Variants in TMEM178B observed in about 807,000 individuals in gnomAD.
TMEM178B encodes the protein transmembrane protein 178B.
In TMEM178B, 5 loss-of-function variants were observed where a neutral mutation model predicts 31.0. That is an observed-to-expected ratio of 0.16 (90% confidence interval 0.08 to 0.34). The LOEUF (loss-of-function observed/expected upper bound fraction) is 0.34, where lower values mean the gene tolerates loss of function less well. TMEM178B is among the 10% of genes least tolerant of loss of function. The pLI is 1.00. For synonymous variants in TMEM178B, 164 were observed against 164.0 expected, an observed-to-expected ratio of 1.00 and a Z score of 0.00; for missense variants, 275 against 400.3, an observed-to-expected ratio of 0.69 and a Z score of 2.67.
At position 141,179,654 on chromosome 7, in the gene TMEM178B, G is replaced by T. The variant is rs146985522; in HGVS notation, c.383-32937G>T. 3.8e-3 allele frequency among the ~76,000 whole-genome samples: 573 copies of T among 152,298 alleles called. 5 individuals carry two copies. Among genetic ancestry groups the T allele is most frequent in the African/African-American group, 0.013 (551 of 41,564 alleles). On this transcript the variant is annotated intron_variant, in intron 1 of 3. Transcript: ENST00000565468. ...CAAGAGAAAGGGCTGCAGGGAGTGG[G>T]ATTTAAGTGGTTAGGGACAGAGCAC...
intron 2 of TMEM178B, among the ~76,000 whole-genome samples, chr7:141,292,179 G>A (rs1480153525): frequency 2.6e-5 from 4 of 152,302 alleles, no homozygotes; most frequent in East Asian, 3.9e-4. Context: ...TTACTTAAAT[G>A]TTCTGTGAAG....
At chr7:141,423,722 A>G (rs939950701) in intron 2 of TMEM178B, among the ~76,000 whole-genome samples, 6 of 151,672 alleles carry the variant, frequency 4.0e-5, no homozygotes, top group African/African-American at 1.5e-4. Flanking sequence ...TGCTGTTCAA[A>G]CGAATTGCCA....
rs147843317 is a variant in TMEM178B at position 141,218,470 on chromosome 7, C to T, written c.496+5766C>T. On this transcript the variant is annotated intron_variant, in intron 2 of 3. Transcript: ENST00000565468. ...TTACTGCAGACATGTGGATGACACA[C>T]TTGGCTCCCTGTCCCCACAGCTCTT... is the stretch of plus-strand genomic sequence containing the variant. 2.4e-4 allele frequency among the ~76,000 whole-genome samples: 36 copies of T among 152,302 alleles called. 1 individual carries two copies. The East Asian group carries it at 7.0e-3, about 29-fold the overall frequency.
At position 141,183,851 on chromosome 7, in the gene TMEM178B, G is replaced by T. The variant is rs536918383; in HGVS notation, c.383-28740G>T. Among the ~76,000 whole-genome samples the T allele has an allele frequency of 4.6e-5, 7 of 152,322 alleles. No homozygotes were observed. The East Asian group carries it at 1.3e-3, about 29-fold the overall frequency. On this transcript the variant is annotated intron_variant, in intron 1 of 3. Transcript: ENST00000565468. ...AGCTGAGGAATGTGGGTTTATCCAC[G>T]TGCTGGTTCATGGTGGAATTAGCCC...
chr7:141,452,552 C>T (rs1360161053), intron 3 of TMEM178B, among the ~76,000 whole-genome samples: 4 of 152,190 alleles, frequency 2.6e-5, no homozygotes, highest in Admixed American at 2.6e-4. Flanking sequence ...TGTTTCCATT[C>T]CCTGAGTGCC....
chr7:141,074,443 G>A lies in TMEM178B; in HGVS notation c.133G>A (p.Ala45Thr), dbSNP rs139501428. ...DARKHRDRCK[A>T]FNTRRVDPGF... is the part of the protein sequence containing the mutation. The stretch of plus-strand genomic sequence containing the variant: ...CAGGAAGCACAGGGACAGGTGCAAG[G>A]CCTTCAACACCCGCCGGGTCGACCC... The change falls in exon 1 of 4, where the codon GCC (alanine) becomes ACC (threonine). Residue 45 changes from alanine to threonine, a missense_variant. Transcript: ENST00000565468. The surrounding 1 kb of genome is among the most constrained non-coding windows in gnomAD (Gnocchi z 5.1). The A allele has an allele frequency of 1.8e-3, 2,695 of 1,536,128 alleles. 7 individuals are homozygous for A. Among genetic ancestry groups the A allele is most frequent in the Middle Eastern group, 7.3e-3 (44 of 5,990 alleles).
At chr7:141,145,848 G>A (rs900778986) in intron 1 of TMEM178B, among the ~76,000 whole-genome samples, 1 of 152,194 alleles carries the variant, frequency 6.6e-6, no homozygotes, top group Non-Finnish European at 1.5e-5. Context: ...TAGGGCTCCT[G>A]CCCAGTTACT....
intron 2 of TMEM178B, among the ~76,000 whole-genome samples, chr7:141,337,068 C>T (rs1404716935): frequency 9.8e-5 from 7 of 71,784 alleles, no homozygotes; most frequent in Non-Finnish European, 1.5e-4. Flanking sequence ...ACCACCATCA[C>T]TACCACCACC....
chr7:141,078,664 G>A (rs1425728900), intron 1 of TMEM178B, among the ~76,000 whole-genome samples: 1 of 152,140 alleles, frequency 6.6e-6, no homozygotes, highest in Non-Finnish European at 1.5e-5. Flanking sequence ...GGATTGTGTC[G>A]GCAGTAGCGG....
chr7:141,167,448 C>T (rs1432716728), intron 1 of TMEM178B, among the ~76,000 whole-genome samples: 1 of 152,252 alleles, frequency 6.6e-6, no homozygotes, highest in Non-Finnish European at 1.5e-5. Flanking sequence ...GTGTTGCCCT[C>T]CTGCCAGTTC....
rs111636467 is a variant in TMEM178B, at chr7:141,391,175, C to CTT, written c.497-46425_497-46424dup. On this transcript the variant is annotated intron_variant, in intron 2 of 3. Coordinates refer to ENST00000565468, the MANE Select transcript of TMEM178B (RefSeq NM_001195278.2). ...ACAGTTTTGTTCTTTCAACCCCCTG[C>CTT]TTTTTTTTTGAGACAGAGTCTCACT... Among the ~76,000 whole-genome samples, 5 of 150,984 alleles carry CTT rather than the reference C, an allele frequency of 3.3e-5. No homozygotes were observed. In the South Asian group the frequency reaches 6.3e-4, roughly 19 times the overall value.
rs1298205779 is a variant in TMEM178B at position 141,074,981 on chromosome 7, C to T, written c.382+289C>T. Among the ~76,000 whole-genome samples the T allele has an allele frequency of 1.3e-5, 2 of 152,208 alleles. No homozygotes were observed. Among genetic ancestry groups the T allele is most frequent in the African/African-American group, 4.8e-5 (2 of 41,458 alleles). ...CTTATCCAGGATAATGCTTCATCAG[C>T]CTCTGAGAAGAAGGGAATCTGGAAC... On this transcript the variant is annotated intron_variant, in intron 1 of 3. Transcript: ENST00000565468. This position sits in a 1 kb window ranked among gnomAD's most constrained non-coding sequence, Gnocchi z 5.1.
chr7:141,182,438 G>A (rs1005676942), intron 1 of TMEM178B, among the ~76,000 whole-genome samples: 2 of 152,136 alleles, frequency 1.3e-5, no homozygotes, highest in African/African-American at 2.4e-5. Context: ...CCCCTTATAT[G>A]TATTTAAACA....
At chr7:141,187,511 C>T (rs1479205990) in intron 1 of TMEM178B, among the ~76,000 whole-genome samples, 19 of 152,086 alleles carry the variant, frequency 1.2e-4, no homozygotes, top group Admixed American at 3.9e-4. Flanking sequence ...CCTGAGGAAT[C>T]GCCACACTGA....
intron 2 of TMEM178B, among the ~76,000 whole-genome samples, chr7:141,324,120 G>A (rs541665285): frequency 6.6e-6 from 1 of 152,248 alleles, no homozygotes; most frequent in Non-Finnish European, 1.5e-5. Flanking sequence ...AACGTAGGGG[G>A]GAAGCAGATC....
intron 2 of TMEM178B, among the ~76,000 whole-genome samples, chr7:141,241,337 A>T (rs1797615186): frequency 6.6e-6 from 1 of 152,016 alleles, no homozygotes; most frequent in African/African-American, 2.4e-5. Flanking sequence ...CACGCCTGTA[A>T]TCCCAGCACT....
At chr7:141,141,027 G>A (rs1246143289) in intron 1 of TMEM178B, among the ~76,000 whole-genome samples, 2 of 152,168 alleles carry the variant, frequency 1.3e-5, no homozygotes, top group African/African-American at 4.8e-5. Context: ...GGAGTTGGGA[G>A]TTACACTTCC....
intron 2 of TMEM178B, among the ~76,000 whole-genome samples, chr7:141,399,163 T>G (rs1424088234): frequency 6.6e-6 from 1 of 152,246 alleles, no homozygotes; most frequent in Non-Finnish European, 1.5e-5. Flanking sequence ...TTTTCTTGTT[T>G]CTTATCTTCA....
In TMEM178B at chr7:141,359,963, G is replaced by A. The variant is rs138014844; in HGVS notation, c.497-77645G>A. Reference sequence around the variant, plus strand: ...TTCATGAAACCATCAGATCTCTTGAGACTTATTCACTCCCATGAGAACAGT... The same window carrying A: ...TTCATGAAACCATCAGATCTCTTGAAACTTATTCACTCCCATGAGAACAGT... On this transcript the variant is annotated intron_variant, in intron 2 of 3. Transcript: ENST00000565468. Among the ~76,000 whole-genome samples the A allele has an allele frequency of 2.9e-3, 445 of 152,208 alleles. 2 individuals carry two copies. Among genetic ancestry groups the A allele is most frequent in the African/African-American group, 9.8e-3 (407 of 41,518 alleles).
Sources: gnomAD v4.1 joint callset for allele counts (sites outside exome capture counted in the v4.1 genomes callset) on GRCh38, gnomAD v4.1.1 for gene constraint, Gnocchi (gnomAD v3.1) non-coding constraint, MANE v1.5 for transcripts, NCBI Gene and HGNC (gene_info 2026-07-23, HGNC 2026-07-21) for gene names.